BRK1: variants seen among roughly 807,000 people sequenced by gnomAD.
BRK1 encodes protein BRICK1.
In BRK1, 6 loss-of-function variants were observed where a neutral mutation model predicts 9.9. The observed-to-expected ratio is 0.60, with a 90% CI of 0.33 to 1.19. The LOEUF (loss-of-function observed/expected upper bound fraction) is 1.19, where lower values mean the gene tolerates loss of function less well. Among genes scored for constraint, BRK1 ranks in the 50% most tolerant of loss-of-function variants. The pLI is 0.04. For synonymous variants in BRK1, 44 were observed against 31.9 expected, an observed-to-expected ratio of 1.38 and a Z score of -1.28; for missense variants, 62 against 97.5, an observed-to-expected ratio of 0.64 and a Z score of 1.53.
intron 2 of BRK1, 106 bp from the exon 3 acceptor site, chr3:10,126,163 T>C: frequency 1.4e-6 from 1 of 715,058 alleles, no homozygotes. Flanking sequence ...TTCACAGCTA[T>C]CTTCTTTTCT....
In BRK1 at chr3:10,118,114, A is replaced by G. The variant is rs60172687; in HGVS notation, c.118+2295A>G. 0.2 allele frequency among the ~76,000 whole-genome samples: 30,956 copies of G among 151,912 alleles called. 3,651 individuals carry two copies. Among genetic ancestry groups the G allele is most frequent in the African/African-American group, 0.33 (13,582 of 41,396 alleles). On this transcript the variant is annotated intron_variant, in intron 1 of 2. Transcript: ENST00000530758. ...ACTAAAAATACAAAATTAGCTGGGC[A>G]TGGTGTTGCACACCTGTAATCCCAG...
chr3:10,126,192 G>T (rs1292505079), intron 2 of BRK1, 77 bp from the exon 3 acceptor site: 2 of 1,046,468 alleles, frequency 1.9e-6, no homozygotes, highest in African/African-American at 3.3e-5. Context: ...TCACTGCCTA[G>T]GATCTAAAGA....
At chr3:10,123,038 T>A (rs3774208) in intron 1 of BRK1, among the ~76,000 whole-genome samples, 1 of 152,066 alleles carries the variant, frequency 6.6e-6, no homozygotes, top group Non-Finnish European at 1.5e-5. Context: ...AAAACTGAAG[T>A]TTATTGAGAG....
intron 1 of BRK1, among the ~76,000 whole-genome samples, chr3:10,118,558 G>A (rs534807242): frequency 6.6e-6 from 1 of 152,106 alleles, no homozygotes; most frequent in Admixed American, 6.5e-5. Context: ...CATGATCTCG[G>A]CTCACTGCAA....
intron 1 of BRK1, among the ~76,000 whole-genome samples, chr3:10,121,661 G>A (rs950670031): frequency 6.6e-6 from 1 of 151,662 alleles, no homozygotes; most frequent in Admixed American, 6.6e-5. Context: ...TAAATAAATT[G>A]TAAATTACAA....
At chr3:10,117,449 A>G (rs2125116870) in intron 1 of BRK1, among the ~76,000 whole-genome samples, 1 of 139,914 alleles carries the variant, frequency 7.1e-6, no homozygotes, top group East Asian at 2.1e-4. Context: ...GCTGGAGTGC[A>G]GTGGCGTGAT....
At chr3:10,125,951 C>G (rs1021598694) in intron 2 of BRK1, among the ~76,000 whole-genome samples, 1 of 152,058 alleles carries the variant, frequency 6.6e-6, no homozygotes. Context: ...ATTAGCCAGG[C>G]ATGGTGGCTC....
rs761339201 is a variant in BRK1 at position 10,115,758 on chromosome 3, G to A, written c.57G>A (p.Arg19=). ...AGATTCACCAGGACTGGGCTAACCG[G>A]GAGTACATTGAGATAATCACCAGCA... ...QREIHQDWAN[R]EYIEIITSSI... Residue 19 remains arginine (R), a synonymous_variant, in exon 1 of 3, where the codon CGG becomes CGA. Transcript: ENST00000530758. 6.8e-6 allele frequency: 11 copies of A among 1,613,852 alleles called. No individual in the cohort carries two copies. Among genetic ancestry groups the A allele is most frequent in the African/African-American group, 1.3e-5 (1 of 74,922 alleles).
At chr3:10,115,854 G>A (rs990122778) in intron 1 of BRK1, 35 bp downstream of exon 1, 87 of 1,545,204 alleles carry the variant, frequency 5.6e-5, no homozygotes, top group Non-Finnish European at 7.2e-5. Flanking sequence ...GGGGAGGAGG[G>A]AGGCCGCTGA....
intron 2 of BRK1, among the ~76,000 whole-genome samples, 183 bp downstream of exon 2, chr3:10,125,891 G>A (rs953865262): frequency 3.3e-5 from 5 of 152,142 alleles, no homozygotes; most frequent in Non-Finnish European, 5.9e-5. Context: ...AGGAGTTCGA[G>A]TCCAGCCTGG....
rs542499895 is a variant in BRK1, at chr3:10,120,099, G to A, written c.118+4280G>A. ...GGCTGGAGTGCAGTGGTGCAATCTC[G>A]GCTCACTGCAACCTCCGCCTCCCGG... On this transcript the variant is annotated intron_variant, in intron 1 of 2. Coordinates refer to ENST00000530758, the MANE Select transcript of BRK1 (RefSeq NM_018462.5). 1.5e-3 allele frequency among the ~76,000 whole-genome samples: 229 copies of A among 151,952 alleles called. 2 individuals are homozygous for A. The highest frequency in any genetic ancestry group is 2.2e-3 in the Non-Finnish European group (148 of 67,966).
chr3:10,125,798 A>C (rs2125119263), intron 2 of BRK1, 90 bp downstream of exon 2: 1 of 952,536 alleles, frequency 1.0e-6, no homozygotes, highest in African/African-American at 1.6e-5. Flanking sequence ...GTCTTAGGAA[A>C]CTTAAGCACT....
At chr3:10,124,650 C>G (rs1274846398) in intron 1 of BRK1, among the ~76,000 whole-genome samples, 66 of 152,250 alleles carry the variant, frequency 4.3e-4, no homozygotes, top group Non-Finnish European at 7.4e-5. Flanking sequence ...CTGCTCCTGG[C>G]CTGGGCTCCA....
chr3:10,125,124 A>G (rs1233263499), intron 1 of BRK1, among the ~76,000 whole-genome samples: 1 of 151,842 alleles, frequency 6.6e-6, no homozygotes, highest in Non-Finnish European at 1.5e-5. Context: ...TTTTTTTGAG[A>G]CAGAGTTTTG....
Position 10,126,268 on chromosome 3 carries a change from G to A in BRK1, c.202-1G>A. 1 of 1,539,702 alleles carries A rather than the reference G, an allele frequency of 6.5e-7. No homozygotes were observed. Among genetic ancestry groups the A allele is most frequent in the Non-Finnish European group, 8.7e-7 (1 of 1,148,240 alleles). ...ATGTCAGTTTTCCTTTCCTTTCACA[G>A]GTGACAAAAGGTGAGACACTCACCT... On this transcript the variant is annotated splice_acceptor_variant, in intron 2 of 2. Transcript: ENST00000530758. LOFTEE classifies it high-confidence loss of function.
intron 1 of BRK1, among the ~76,000 whole-genome samples, chr3:10,119,954 G>C (rs1695734806): frequency 6.6e-6 from 1 of 152,176 alleles, no homozygotes; most frequent in Non-Finnish European, 1.5e-5. Context: ...AAATGGGTAT[G>C]ATACCCACTC....
chr3:10,118,186 G>A (rs538779389), intron 1 of BRK1, among the ~76,000 whole-genome samples: 5 of 150,036 alleles, frequency 3.3e-5, no homozygotes, highest in African/African-American at 1.2e-4. Context: ...CGGGGAGGCA[G>A]AGGTTGCAGT....
intron 1 of BRK1, among the ~76,000 whole-genome samples, 170 bp from the exon 2 acceptor site, chr3:10,125,456 G>C (rs1695826528): frequency 6.6e-6 from 1 of 152,128 alleles, no homozygotes; most frequent in African/African-American, 2.4e-5. Context: ...CACTTGATAG[G>C]AAGTTCAGCA....
At chr3:10,116,581 A>G (rs1040006606) in intron 1 of BRK1, among the ~76,000 whole-genome samples, 1 of 152,174 alleles carries the variant, frequency 6.6e-6, no homozygotes, top group Non-Finnish European at 1.5e-5. Flanking sequence ...CAAGCAAAGC[A>G]ATCGAGATTC....
Sources: allele counts gnomAD v4.1 joint callset (sites outside exome capture counted in the v4.1 genomes callset), GRCh38; gene constraint gnomAD v4.1.1; transcripts MANE v1.5; gene names NCBI Gene and HGNC (gene_info 2026-07-23, HGNC 2026-07-21).